Variants in CUX1 observed in about 807,000 individuals in gnomAD.
CUX1 encodes protein CASP.
CUX1 carries 31 observed loss-of-function variants against 158.8 expected under a neutral mutation model. The ratio of observed to expected loss-of-function variants is 0.20; its 90% CI spans 0.15 to 0.26. CUX1 has a LOEUF of 0.26. Ranked by LOEUF, CUX1 falls within the 10% of genes least tolerant of loss-of-function variation. The pLI is 1.00. For missense variants in CUX1, 1,589 were observed against 2,014.6 expected, an observed-to-expected ratio of 0.79 and a Z score of 4.04; for synonymous variants, 879 against 862.1, an observed-to-expected ratio of 1.02 and a Z score of -0.34.
At chr7:102,191,164 C>T (rs1041088965) in intron 12 of CUX1, among the ~76,000 whole-genome samples, 1 of 152,156 alleles carries the variant, frequency 6.6e-6, no homozygotes, top group East Asian at 1.9e-4. Flanking sequence ...AAGCCTCTGC[C>T]GGCACCTCCT....
At chr7:101,929,656 T>A (rs1013684751) in intron 2 of CUX1, among the ~76,000 whole-genome samples, 1 of 152,130 alleles carries the variant, frequency 6.6e-6, no homozygotes, top group Non-Finnish European at 1.5e-5. Flanking sequence ...TCAGGCATTA[T>A]GCTAAGTGCA....
chr7:101,884,112 C>G (rs1453497533), intron 1 of CUX1, among the ~76,000 whole-genome samples: 3 of 151,974 alleles, frequency 2.0e-5, no homozygotes, highest in Admixed American at 6.6e-5. Flanking sequence ...CCAGGCTGGT[C>G]GTGAACTCCT....
chr7:102,217,332 C>T (rs1266151315), intron 20 of CUX1, among the ~76,000 whole-genome samples: 1 of 152,254 alleles, frequency 6.6e-6, no homozygotes, highest in African/African-American at 2.4e-5. Flanking sequence ...CAACTGAGCC[C>T]AGAGGGAAAG....
At chr7:101,956,895 G>A (rs1332087036) in intron 2 of CUX1, among the ~76,000 whole-genome samples, 1 of 152,192 alleles carries the variant, frequency 6.6e-6, no homozygotes, top group Non-Finnish European at 1.5e-5. Flanking sequence ...GTTGTGGTGG[G>A]CTGTGATCAC....
At chr7:102,209,478 T>C (rs1554522561) in intron 20 of CUX1, among the ~76,000 whole-genome samples, 1 of 22,264 alleles carries the variant, frequency 4.5e-5, no homozygotes, top group Non-Finnish European at 9.5e-5. Flanking sequence ...ATGAGTAACT[T>C]TTTTTTTAAG....
chr7:101,863,642 C>T (rs561829603), intron 1 of CUX1, among the ~76,000 whole-genome samples: 3 of 152,342 alleles, frequency 2.0e-5, no homozygotes, highest in South Asian at 2.1e-4. Context: ...TGAGCCACTG[C>T]GCCCAGCCAG....
intron 15 of CUX1, chr7:102,273,509 T>G: frequency 6.3e-7 from 1 of 1,587,686 alleles, no homozygotes; most frequent in Non-Finnish European, 8.6e-7. Context: ...CCCACCCCCC[T>G]GCCCCATGCC....
chr7:101,836,308 G>A lies in CUX1; in HGVS notation c.30+18639G>A, dbSNP rs142270483. 3.0e-4 allele frequency among the ~76,000 whole-genome samples: 45 copies of A among 152,162 alleles called. No homozygotes were observed. In the East Asian group the frequency reaches 5.6e-3, roughly 19 times the overall value. On this transcript the variant is annotated intron_variant, in intron 1 of 23. Transcript: ENST00000292535. ...TCCTGGGGTGCAGGTGCTCCCCTGC[G>A]AACCACTGCTGTGCACAAAGTGATT... is the stretch of plus-strand genomic sequence containing the variant.
At chr7:102,281,785 C>G in intron 20 of CUX1, 5 of 1,219,648 alleles carry the variant, frequency 4.1e-6, no homozygotes, top group Non-Finnish European at 4.9e-6. Context: ...CCAGGCAGCC[C>G]TGCAGGGGTG....
chr7:101,877,994 G>C (rs957773597), intron 1 of CUX1, among the ~76,000 whole-genome samples: 1 of 152,170 alleles, frequency 6.6e-6, no homozygotes, highest in African/African-American at 2.4e-5. Flanking sequence ...GCCAGGCCCA[G>C]GGACTTAAGT....
chr7:101,816,409 C>T (rs867607571), upstream of CUX1, among the ~76,000 whole-genome samples: 1,760 of 142,994 alleles, frequency 0.012, 39 homozygotes, highest in African/African-American at 0.042. Flanking sequence ...GGCCCCGCGC[C>T]GCCGCCGCCG....
intron 20 of CUX1, among the ~76,000 whole-genome samples, chr7:102,208,580 CAG>C (rs1796181099): frequency 6.6e-6 from 1 of 152,142 alleles, no homozygotes; most frequent in African/African-American, 2.4e-5. Context: ...GAGTTGCTAA[CAG>C]TGGTTTTTAG....
chr7:102,247,985 G>A (rs1554537528), intron 23 of CUX1, among the ~76,000 whole-genome samples: 1 of 152,110 alleles, frequency 6.6e-6, no homozygotes, highest in African/African-American at 2.4e-5. Flanking sequence ...GCAAAAATTA[G>A]CTGGATGTGG....
chr7:102,104,578 T>TA (rs1830139429), intron 6 of CUX1, 119 bp downstream of exon 6: 1 of 1,328,546 alleles, frequency 7.5e-7, no homozygotes, highest in East Asian at 2.5e-5. Context: ...CCCAAATCTA[T>TA]AAGGGGTAAA....
chr7:102,188,429 C>T (rs970902997), intron 11 of CUX1, among the ~76,000 whole-genome samples: 1 of 152,140 alleles, frequency 6.6e-6, no homozygotes, highest in African/African-American at 2.4e-5. Context: ...TCCAAAAACA[C>T]CTTCAGAGAA....
Position 102,012,007 on chromosome 7 carries a change from C to T in CUX1, c.142-16091C>T, listed in dbSNP as rs888877732. 5.9e-5 allele frequency among the ~76,000 whole-genome samples: 9 copies of T among 151,892 alleles called. No individual in the cohort carries two copies. The South Asian group carries it at 8.3e-4, about 14-fold the overall frequency. On this transcript the variant is annotated intron_variant, in intron 2 of 23. Coordinates refer to ENST00000292535, the MANE Select transcript of CUX1 (RefSeq NM_181552.4). ...TATTTTTAGTAGAGACGGGGTTTCA[C>T]CATGTTGGCCATGCTGGTTGACGCT...
At chr7:101,996,080 C>T (rs1318735271) in intron 2 of CUX1, among the ~76,000 whole-genome samples, 3 of 151,406 alleles carry the variant, frequency 2.0e-5, no homozygotes, top group Non-Finnish European at 4.4e-5. Flanking sequence ...CACTGCACTC[C>T]AGCCTGGGCA....
At chr7:102,008,300 A>G (rs1585255721) in intron 2 of CUX1, among the ~76,000 whole-genome samples, 1 of 151,212 alleles carries the variant, frequency 6.6e-6, no homozygotes, top group Non-Finnish European at 1.5e-5. Context: ...CCTTGTTTGT[A>G]TCTCTGGATC....
At chr7:102,080,917 A>T (rs1302101671) in intron 4 of CUX1, among the ~76,000 whole-genome samples, 2 of 152,174 alleles carry the variant, frequency 1.3e-5, no homozygotes, top group Non-Finnish European at 2.9e-5. Flanking sequence ...CCGACCTTAG[A>T]TCCCACTGCG....
Sources: allele counts gnomAD v4.1 joint callset (sites outside exome capture counted in the v4.1 genomes callset), GRCh38; gene constraint gnomAD v4.1.1; transcripts MANE v1.5; gene names NCBI Gene and HGNC (gene_info 2026-07-23, HGNC 2026-07-21).